EVL: variants seen among roughly 807,000 people sequenced by gnomAD.
The protein encoded by EVL is Enah/Vasp-like, also known as ena/VASP-like protein.
Under a neutral mutation model 59.6 loss-of-function variants are expected in EVL, and 21 were observed. The observed-to-expected ratio is 0.35, with a 90% CI of 0.25 to 0.51. The LOEUF (loss-of-function observed/expected upper bound fraction) is 0.51. Among genes scored for constraint, EVL ranks in the 20% least tolerant of loss-of-function variants. The pLI, the probability that EVL is intolerant of heterozygous loss-of-function variation, is 0.97. For missense variants in EVL, 462 were observed against 546.6 expected (o/e 0.85, Z 1.54); for synonymous variants, 198 against 203.5 (o/e 0.97, Z 0.23).
At chr14:100,039,517 G>A (rs1488933608) in intron 1 of EVL, among the ~76,000 whole-genome samples, 9 of 152,246 alleles carry the variant, frequency 5.9e-5, no homozygotes, top group African/African-American at 1.2e-4. Flanking sequence ...GATTACAGGC[G>A]TGAGCCACTG....
chr14:99,976,256 G>C (rs2060769665), intron 1 of EVL, among the ~76,000 whole-genome samples: 1 of 151,726 alleles, frequency 6.6e-6, no homozygotes, highest in Non-Finnish European at 1.5e-5. Flanking sequence ...TGCCCAGGCT[G>C]GTCTCAAACT....
chr14:100,060,200 G>A (rs2061800525), intron 1 of EVL, among the ~76,000 whole-genome samples: 2 of 151,906 alleles, frequency 1.3e-5, no homozygotes, highest in South Asian at 2.1e-4. Context: ...GGAGGCCGAG[G>A]CGGGCGGATC....
At chr14:100,140,594 G>A (rs1889105227) in intron 11 of EVL, 1 of 151,052 alleles carries the variant, frequency 6.6e-6, no homozygotes, top group Non-Finnish European at 1.5e-5. Context: ...CCAATCTGGG[G>A]AACAAGAGCA....
At chr14:100,018,050 A>G (rs2061065774) in intron 1 of EVL, among the ~76,000 whole-genome samples, 1 of 152,258 alleles carries the variant, frequency 6.6e-6, no homozygotes, top group Non-Finnish European at 1.5e-5. Context: ...ACCTTATGTG[A>G]ATAATTCCTT....
chr14:100,087,312 G>C (rs143987734), intron 2 of EVL, among the ~76,000 whole-genome samples: 314 of 152,294 alleles, frequency 2.1e-3, no homozygotes, highest in African/African-American at 7.1e-3. Flanking sequence ...TTGAGAATAA[G>C]TTTTGGTCAC....
intron 1 of EVL, among the ~76,000 whole-genome samples, chr14:100,082,833 A>G (rs531080161): frequency 6.6e-6 from 1 of 152,338 alleles, no homozygotes; most frequent in Non-Finnish European, 1.5e-5. Context: ...GGTGTCCCCA[A>G]ACCAAGGCTT....
At position 99,972,091 on chromosome 14, in the gene EVL, A is replaced by G; in HGVS notation, c.5+34A>G. The stretch of plus-strand genomic sequence containing the variant: ...GGGCCGGCGCCTCGTGGGAGGTGGC[A>G]GCGGCCAGCGTCGGAGGGGCTGGGC... On this transcript the variant is annotated intron_variant, in intron 1 of 13. Transcript: ENST00000402714. This position sits in a 1 kb window ranked among gnomAD's most constrained non-coding sequence, Gnocchi z 4.4. 1 of 304,066 alleles carries G rather than the reference A, an allele frequency of 3.3e-6. No homozygotes were observed. The highest frequency in any genetic ancestry group is 4.9e-5 in the East Asian group (1 of 20,258). 18.8% of individuals were successfully genotyped at this position (304,066 alleles called of 1,614,324 possible). A position where few individuals can be genotyped will look rare whatever the true frequency, so the allele number is the denominator to read the frequency against.
chr14:100,035,337 T>TG (rs774574905), intron 1 of EVL, among the ~76,000 whole-genome samples: 5 of 4,502 alleles, frequency 1.1e-3, no homozygotes, highest in African/African-American at 7.1e-3. Context: ...ACAGTGTATG[T>TG]GTTTTTTTTT....
chr14:100,081,670 C>A (rs1259624864), intron 1 of EVL, among the ~76,000 whole-genome samples: 1 of 152,208 alleles, frequency 6.6e-6, no homozygotes, highest in Non-Finnish European at 1.5e-5. Context: ...GCTTCACCCC[C>A]ACCTAGTGCT....
chr14:99,976,184 A>T (rs1220964456), intron 1 of EVL, among the ~76,000 whole-genome samples: 3 of 72,860 alleles, frequency 4.1e-5, no homozygotes, highest in South Asian at 3.6e-4. Context: ...GCCAGCTTTT[A>T]TTTATTTATT....
intron 1 of EVL, among the ~76,000 whole-genome samples, chr14:100,029,617 C>A (rs2061276294): frequency 6.6e-6 from 1 of 152,020 alleles, no homozygotes; most frequent in African/African-American, 2.4e-5. Flanking sequence ...GAGGTGGACA[C>A]AGTTTTGCTG....
intron 1 of EVL, among the ~76,000 whole-genome samples, chr14:100,082,175 C>G (rs190480602): frequency 1.8e-4 from 28 of 151,798 alleles, no homozygotes; most frequent in African/African-American, 4.4e-4. Flanking sequence ...CCTGTCCCCC[C>G]CTCCCCCGCA....
At chr14:100,071,737 C>G (rs963863313) in intron 1 of EVL, among the ~76,000 whole-genome samples, 8 of 152,124 alleles carry the variant, frequency 5.3e-5, no homozygotes, top group Admixed American at 4.6e-4. Flanking sequence ...TGCAAGGTGG[C>G]GGTTCCCCCT....
chr14:100,065,437 A>G lies in EVL; in HGVS notation c.-64A>G. ...CAGAGGGTCTGTGGTCCTCTGATCA[A>G]CATAGGCTGGTGGGAGTACAGGACT... On this transcript the variant is annotated 5_prime_UTR_variant, in exon 1 of 14. Coordinates refer to ENST00000392920, the MANE Select transcript of EVL (RefSeq NM_016337.3). 1 of 1,380,786 alleles carries G rather than the reference A, an allele frequency of 7.2e-7. No homozygotes were observed. The highest frequency in any genetic ancestry group is 1.8e-5 in the South Asian group (1 of 54,180). 85.5% of individuals were successfully genotyped at this position (1,380,786 alleles called of 1,614,324 possible).
intron 1 of EVL, among the ~76,000 whole-genome samples, chr14:99,988,378 G>T (rs966340204): frequency 6.6e-6 from 1 of 152,148 alleles, no homozygotes; most frequent in African/African-American, 2.4e-5. Flanking sequence ...TCACTAGGAT[G>T]GTTTGAATAA....
chr14:99,985,109 A>G (rs943288297), intron 1 of EVL, among the ~76,000 whole-genome samples: 2 of 151,274 alleles, frequency 1.3e-5, no homozygotes, highest in African/African-American at 4.9e-5. Context: ...TTTTAATCAC[A>G]TTTGCTTACA....
intron 11 of EVL, chr14:100,140,627 AG>A (rs1889108181): frequency 6.6e-6 from 1 of 150,814 alleles, no homozygotes; most frequent in Admixed American, 6.6e-5. Flanking sequence ...AAAAAAAAAA[AG>A]CGACACCACA....
intron 1 of EVL, among the ~76,000 whole-genome samples, chr14:100,032,784 C>T (rs1178935994): frequency 2.0e-5 from 3 of 152,136 alleles, no homozygotes; most frequent in Admixed American, 6.5e-5. Flanking sequence ...TCCTATAACA[C>T]TTAAGGTATA....
At chr14:100,059,585 T>TGCCA (rs2140260070) in intron 1 of EVL, among the ~76,000 whole-genome samples, 1 of 152,292 alleles carries the variant, frequency 6.6e-6, no homozygotes, top group South Asian at 2.1e-4. Context: ...TGAATGATGA[T>TGCCA]GCCAGAGGTC....
Sources: allele counts gnomAD v4.1 joint callset (sites outside exome capture counted in the v4.1 genomes callset), GRCh38; gene constraint gnomAD v4.1.1; non-coding constraint Gnocchi (gnomAD v3.1); transcripts MANE v1.5; gene names NCBI Gene and HGNC (gene_info 2026-07-23, HGNC 2026-07-21).